The following CACNA1E variants were observed in gnomAD, a reference collection of about 807,000 sequenced individuals.
The protein encoded by CACNA1E is calcium voltage-gated channel subunit alpha1 E, also known as voltage-dependent R-type calcium channel subunit alpha-1E.
A neutral mutation model predicts 259.2 loss-of-function variants in CACNA1E; 40 were observed. The observed-to-expected ratio is 0.15, with a 90% CI of 0.12 to 0.20. CACNA1E has a LOEUF of 0.20. CACNA1E is among the 10% of genes least tolerant of loss of function. The pLI, the probability that CACNA1E is intolerant of heterozygous loss-of-function variation, is 1.00. For missense variants in CACNA1E, 1,874 were observed against 3,040.1 expected (o/e 0.62, Z 9.02); for synonymous variants, 1,104 against 1,138.5 (o/e 0.97, Z 0.61).
intron 28 of CACNA1E, 97 bp from the exon 29 acceptor site, chr1:181,755,859 A>G: frequency 8.0e-7 from 1 of 1,255,028 alleles, no homozygotes; most frequent in Non-Finnish European, 1.1e-6. Context: ...GGTGATCATT[A>G]TTACCCCCAC....
intron 2 of CACNA1E, among the ~76,000 whole-genome samples, chr1:181,454,158 T>A (rs1426454871): frequency 6.6e-6 from 1 of 152,156 alleles, no homozygotes; most frequent in Non-Finnish European, 1.5e-5. Flanking sequence ...CATGGTGGGA[T>A]CAAGGACCAC....
chr1:181,663,022 CT>C (rs1156456969), intron 7 of CACNA1E, among the ~76,000 whole-genome samples: 1 of 152,204 alleles, frequency 6.6e-6, no homozygotes, highest in Non-Finnish European at 1.5e-5. Context: ...TTCACAAGAT[CT>C]TTCCAGGTCT....
intron 7 of CACNA1E, among the ~76,000 whole-genome samples, chr1:181,679,209 A>G (rs942980606): frequency 5.3e-5 from 8 of 152,236 alleles, no homozygotes; most frequent in African/African-American, 1.9e-4. Context: ...GATAACTACA[A>G]TGTGCTAGGT....
rs376128725 is a variant in CACNA1E at position 181,731,158 on chromosome 1, C to A, written c.2241-17C>A. 1 of 1,610,842 alleles carries A rather than the reference C, an allele frequency of 6.2e-7. No individual in the cohort carries two copies. The highest frequency in any genetic ancestry group is 8.5e-7 in the Non-Finnish European group (1 of 1,177,120). On this transcript the variant is annotated splice_polypyrimidine_tract_variant and intron_variant, in intron 18 of 47. Coordinates refer to ENST00000367573, the MANE Select transcript of CACNA1E (RefSeq NM_001205293.3). Reference sequence around the variant, plus strand: ...AGAGGTTGGGGTGAACTGAACCTGTCCATTTTTCTTCCCCAGAAGAGACAG... The same window carrying A: ...AGAGGTTGGGGTGAACTGAACCTGTACATTTTTCTTCCCCAGAAGAGACAG...
At chr1:181,733,113 T>C (rs1249675249) in intron 20 of CACNA1E, 79 bp downstream of exon 20, 14 of 1,438,394 alleles carry the variant, frequency 9.7e-6, no homozygotes, top group Non-Finnish European at 1.3e-5. Context: ...CTTTCTGAGC[T>C]CCAGTTTCTT....
chr1:181,476,976 A>G lies in CACNA1E; in HGVS notation c.435-6768A>G, dbSNP rs535633481. Among the ~76,000 whole-genome samples the G allele has an allele frequency of 7.7e-4, 117 of 152,280 alleles. 1 individual carries two copies. Among genetic ancestry groups the G allele is most frequent in the Admixed American group, 1.0e-3 (16 of 15,300 alleles). The stretch of plus-strand genomic sequence containing the variant: ...CAAATCAACTTTCCCAATAAAGCTT[A>G]ATATCTATTAGGGTAAGCATATTTT... On this transcript the variant is annotated intron_variant, in intron 2 of 11. Coordinates refer to the CACNA1E transcript ENST00000524607.
At position 181,732,510 on chromosome 1, in the gene CACNA1E, C is replaced by T. The variant is rs779835983; in HGVS notation, c.2424C>T (p.Leu808=). The change falls in exon 20 of 48, where the codon CTC becomes CTT. Residue 808 remains leucine, a synonymous_variant. Transcript: ENST00000367573. The surrounding 1 kb of genome is among the most constrained non-coding windows in gnomAD (Gnocchi z 5.5). ...NREEAPTMNP[L]NPLNPLSSLN... is the part of the protein sequence containing the mutation. ...AGGAGGCGCCGACCATGAACCCGCT[C>T]AACCCCCTCAACCCGCTCAGCTCCC... is the stretch of plus-strand genomic sequence containing the variant. The T allele has an allele frequency of 7.1e-6, 11 of 1,551,320 alleles. No homozygotes were observed. Among genetic ancestry groups the T allele is most frequent in the Non-Finnish European group, 9.6e-6 (11 of 1,146,832 alleles).
At chr1:181,464,569 C>A (rs924136616) in intron 2 of CACNA1E, among the ~76,000 whole-genome samples, 7 of 142,216 alleles carry the variant, frequency 4.9e-5, no homozygotes, top group Admixed American at 4.9e-4. Context: ...TGTCCACCAT[C>A]TTTGTAGAAT....
In CACNA1E at chr1:181,348,578, G is replaced by A. The variant is rs183865311; in HGVS notation, c.-15+30455G>A. Among the ~76,000 whole-genome samples, 23 of 152,280 alleles carry A rather than the reference G, an allele frequency of 1.5e-4. 1 individual carries two copies. The highest frequency in any genetic ancestry group is 4.3e-4 in the African/African-American group (18 of 41,544). On this transcript the variant is annotated intron_variant, in intron 1 of 11. Coordinates refer to the CACNA1E transcript ENST00000524607. ...CTGTGCTCCTGGGAAGCTGTGTGAG[G>A]TGGTGATCAACTGTGTATGTGTTGG...
intron 6 of CACNA1E, among the ~76,000 whole-genome samples, chr1:181,606,476 C>T (rs1654251106): frequency 6.6e-6 from 1 of 152,196 alleles, no homozygotes; most frequent in South Asian, 2.1e-4. Flanking sequence ...CTCCCCATTA[C>T]ATCTACCCTG....
At chr1:181,617,126 A>G (rs1410856314) in intron 6 of CACNA1E, among the ~76,000 whole-genome samples, 4 of 151,854 alleles carry the variant, frequency 2.6e-5, no homozygotes, top group Non-Finnish European at 1.5e-5. Flanking sequence ...CAAAGAACCA[A>G]TTTTTGGTTT....
chr1:181,733,019 C>A lies in CACNA1E; in HGVS notation c.2933C>A (p.Ala978Asp). Residue 978 changes from alanine to aspartate, a missense_variant, in exon 20 of 48, where the codon GCC becomes GAC. By Grantham distance (126) the Ala-to-Asp change is moderately radical. This residue lies in a region of CACNA1E where 476 missense variants were observed against 514.0 expected (regional missense o/e 0.93). Coordinates refer to ENST00000367573, the MANE Select transcript of CACNA1E (RefSeq NM_001205293.3). Reference sequence around the variant, plus strand: ...GAGCCAACGATCCAAGAAGAGAGAGCCCAGGATTTAAGGAGGTGAGTGAGT... The same window carrying A: ...GAGCCAACGATCCAAGAAGAGAGAGACCAGGATTTAAGGAGGTGAGTGAGT... ...AKEPTIQEER[A>D]QDLRRTNSLM... 1.2e-6 allele frequency: 2 copies of A among 1,605,144 alleles called. No individual in the cohort carries two copies. The highest frequency in any genetic ancestry group is 1.1e-5 in the South Asian group (1 of 89,708).
intron 1 of CACNA1E, among the ~76,000 whole-genome samples, chr1:181,353,647 G>A (rs1653205718): frequency 6.6e-6 from 1 of 152,174 alleles, no homozygotes; most frequent in Non-Finnish European, 1.5e-5. Context: ...CTTTGGATGA[G>A]GCATTAAGGA....
chr1:181,391,899 C>T (rs1042343404), intron 1 of CACNA1E, among the ~76,000 whole-genome samples: 1 of 150,076 alleles, frequency 6.7e-6, no homozygotes. Context: ...CTGTCTCTGT[C>T]TCTCTCTCTG....
rs1662287725 is a variant in CACNA1E, at chr1:181,801,705, C to A, written c.*2871C>A. On this transcript the variant is annotated 3_prime_UTR_variant, in exon 48 of 48. Coordinates refer to ENST00000367573, the MANE Select transcript of CACNA1E (RefSeq NM_001205293.3). ...TGTAGACCCCAACACCTATTCTTTT[C>A]TCTGGTTAATTACAGCAGCATCTGA... The A allele has an allele frequency of 6.6e-6, 1 of 152,194 alleles. No individual in the cohort carries two copies. Among genetic ancestry groups the A allele is most frequent in the African/African-American group, 2.4e-5 (1 of 41,450 alleles). 9.4% of individuals were successfully genotyped at this position (152,194 alleles called of 1,614,324 possible).
At position 181,802,928 on chromosome 1, in the gene CACNA1E, A is replaced by C. The variant is rs1430428346; in HGVS notation, c.*4094A>C. 2.0e-5 allele frequency: 3 copies of C among 152,346 alleles called. No homozygotes were observed. The South Asian group carries it at 6.2e-4, about 32-fold the overall frequency. 9.4% of individuals were successfully genotyped at this position (152,346 alleles called of 1,614,324 possible). On this transcript the variant is annotated 3_prime_UTR_variant, in exon 48 of 48. Transcript: ENST00000367573. Reference sequence around the variant, plus strand: ...CTCGGCTCATTTATAAGATATAAATATTATGAGGTTGTATGTAAAGAAAGG... The same window carrying C: ...CTCGGCTCATTTATAAGATATAAATCTTATGAGGTTGTATGTAAAGAAAGG...
At chr1:181,440,045 A>G (rs1660351523) in intron 2 of CACNA1E, among the ~76,000 whole-genome samples, 1 of 152,260 alleles carries the variant, frequency 6.6e-6, no homozygotes, top group South Asian at 2.1e-4. Flanking sequence ...CTACATTTAT[A>G]GAATGCTTTA....
intron 6 of CACNA1E, among the ~76,000 whole-genome samples, chr1:181,620,588 G>A (rs771193042): frequency 1.7e-4 from 26 of 152,176 alleles, no homozygotes; most frequent in Non-Finnish European, 3.7e-4. Context: ...GCCCCAAATG[G>A]ATTGTGCTAT....
rs187803963 is a variant in CACNA1E at position 181,353,003 on chromosome 1, G to A, written c.-15+34880G>A. 9.9e-5 allele frequency among the ~76,000 whole-genome samples: 15 copies of A among 152,260 alleles called. 1 individual carries two copies. The East Asian group carries it at 2.9e-3, about 29-fold the overall frequency. ...TGACCCTCAGTGCCCACTCAGTGTG[G>A]CCTCTGTGGGCTTCAGTCATGCTGC... is the stretch of plus-strand genomic sequence containing the variant. On this transcript the variant is annotated intron_variant, in intron 1 of 11. Transcript: ENST00000524607.
Sources: gnomAD v4.1 joint callset for allele counts (sites outside exome capture counted in the v4.1 genomes callset) on GRCh38, gnomAD v4.1.1 for gene constraint, gnomAD v4.1.1 regional missense constraint, Gnocchi (gnomAD v3.1) non-coding constraint, MANE v1.5 for transcripts, NCBI Gene and HGNC (gene_info 2026-07-23, HGNC 2026-07-21) for gene names.